The following PALM2AKAP2 variants were observed in gnomAD, a reference collection of about 807,000 sequenced individuals.
The protein encoded by PALM2AKAP2 is PALM2-AKAP2 fusion protein.
In PALM2AKAP2, 37 loss-of-function variants were observed where a neutral mutation model predicts 71.5. The observed-to-expected ratio is 0.52, with a 90% CI of 0.40 to 0.68. The LOEUF is 0.68. Among genes scored for constraint, PALM2AKAP2 ranks in the 30% least tolerant of loss-of-function variants. The pLI, the probability that PALM2AKAP2 is intolerant of heterozygous loss-of-function variation, is 0.00. For missense variants in PALM2AKAP2, 1,224 were observed against 1,191.8 expected (o/e 1.03, Z -0.40); for synonymous variants, 468 against 478.8 (o/e 0.98, Z 0.29).
At chr9:110,003,610 G>A (rs1462253650) in intron 6 of PALM2AKAP2, among the ~76,000 whole-genome samples, 7 of 151,942 alleles carry the variant, frequency 4.6e-5, no homozygotes, top group African/African-American at 1.7e-4. Context: ...TCGTTGATCT[G>A]TCTAATGTTG....
At chr9:109,780,618 A>C in intron 1 of PALM2AKAP2, 85 bp downstream of exon 1, 1 of 1,566,294 alleles carries the variant, frequency 6.4e-7, no homozygotes. Flanking sequence ...GCGGCATGCC[A>C]GCACAGTAGC....
At chr9:109,655,942 G>A (rs1827299201) in intron 1 of PALM2AKAP2, among the ~76,000 whole-genome samples, 1 of 152,136 alleles carries the variant, frequency 6.6e-6, no homozygotes. Context: ...TTGGGCATAA[G>A]GGTTAATAGA....
At chr9:109,894,630 G>A (rs76650415) in intron 3 of PALM2AKAP2, among the ~76,000 whole-genome samples, 5,582 of 152,238 alleles carry the variant, frequency 0.037, 190 homozygotes, top group East Asian at 0.14. Flanking sequence ...TTGCACTCAC[G>A]TGGTGAGCTG....
At chr9:109,877,215 A>G (rs142583854) in intron 2 of PALM2AKAP2, among the ~76,000 whole-genome samples, 173 of 152,270 alleles carry the variant, frequency 1.1e-3, no homozygotes, top group African/African-American at 4.1e-3. Flanking sequence ...TCTTTAGCAC[A>G]GGAAGCACCC....
chr9:109,932,331 C>G (rs921464247), intron 6 of PALM2AKAP2, among the ~76,000 whole-genome samples: 1 of 152,200 alleles, frequency 6.6e-6, no homozygotes, highest in African/African-American at 2.4e-5. Context: ...AATCTGTATT[C>G]TGCCTCCAGG....
At chr9:110,105,030 C>A (rs1835083047) in intron 1 of PALM2AKAP2, among the ~76,000 whole-genome samples, 1 of 152,216 alleles carries the variant, frequency 6.6e-6, no homozygotes, top group Non-Finnish European at 1.5e-5. Flanking sequence ...TATATAGTGT[C>A]ATCCTACAGA....
chr9:109,705,617 C>T (rs1434326815), intron 1 of PALM2AKAP2, among the ~76,000 whole-genome samples: 2 of 152,154 alleles, frequency 1.3e-5, no homozygotes, highest in Admixed American at 1.3e-4. Context: ...ACAGTTGGAT[C>T]CAGGCACCTC....
intron 1 of PALM2AKAP2, among the ~76,000 whole-genome samples, chr9:109,697,705 A>G (rs1827992815): frequency 6.6e-6 from 1 of 152,112 alleles, no homozygotes; most frequent in South Asian, 2.1e-4. Flanking sequence ...TAGAGGGTGC[A>G]AAAAAACTAT....
intron 1 of PALM2AKAP2, among the ~76,000 whole-genome samples, chr9:110,110,263 T>C (rs1835216569): frequency 1.3e-5 from 2 of 152,308 alleles, no homozygotes; most frequent in South Asian, 4.1e-4. Flanking sequence ...ATTGAGGGCC[T>C]AGTTGTTGGG....
At chr9:109,663,457 TC>T (rs751846937) in intron 1 of PALM2AKAP2, among the ~76,000 whole-genome samples, 19 of 152,344 alleles carry the variant, frequency 1.2e-4, no homozygotes, top group Non-Finnish European at 2.4e-4. Context: ...CAGTAGTCAT[TC>T]AGGAGCAAGT....
chr9:109,768,445 T>C (rs1370094465), intron 1 of PALM2AKAP2, among the ~76,000 whole-genome samples: 1 of 152,226 alleles, frequency 6.6e-6, no homozygotes, highest in Non-Finnish European at 1.5e-5. Flanking sequence ...ATAAAATATG[T>C]AATGATTAAG....
intron 1 of PALM2AKAP2, among the ~76,000 whole-genome samples, chr9:110,107,040 G>A (rs1835137003): frequency 6.6e-6 from 1 of 152,184 alleles, no homozygotes. Flanking sequence ...TTATCACTGA[G>A]CTGTTAATCA....
intron 1 of PALM2AKAP2, among the ~76,000 whole-genome samples, chr9:110,077,206 T>G (rs1383739375): frequency 6.6e-6 from 1 of 152,168 alleles, no homozygotes; most frequent in African/African-American, 2.4e-5. Flanking sequence ...CCTTGGTTCC[T>G]TTATCTGTAA....
chr9:109,704,425 G>C lies in PALM2AKAP2; in HGVS notation c.5+63559G>C, dbSNP rs74659218. Among the ~76,000 whole-genome samples, 552 of 152,298 alleles carry C rather than the reference G, an allele frequency of 3.6e-3. 3 individuals carry two copies. The highest frequency in any genetic ancestry group is 0.013 in the African/African-American group (520 of 41,574). On this transcript the variant is annotated intron_variant, in intron 1 of 6. Coordinates refer to the PALM2AKAP2 transcript ENST00000374531. Reference sequence around the variant, plus strand: ...TATAAATGTGTGAATTATTGACATGGATCCAATTAAATGGGGAATGGTAGC... The same window carrying C: ...TATAAATGTGTGAATTATTGACATGCATCCAATTAAATGGGGAATGGTAGC...
chr9:109,737,061 G>A (rs774489750), intron 1 of PALM2AKAP2, among the ~76,000 whole-genome samples: 6 of 152,192 alleles, frequency 3.9e-5, no homozygotes, highest in African/African-American at 7.2e-5. Context: ...TGATTTTATC[G>A]CTAGGGAGGC....
chr9:109,741,670 T>C (rs1828717524), intron 1 of PALM2AKAP2, among the ~76,000 whole-genome samples: 2 of 152,334 alleles, frequency 1.3e-5, no homozygotes, highest in South Asian at 4.1e-4. Context: ...TTCTGGACAG[T>C]GTTCTGTGTA....
intron 1 of PALM2AKAP2, among the ~76,000 whole-genome samples, chr9:110,081,703 C>A (rs538361477): frequency 6.6e-6 from 1 of 152,052 alleles, no homozygotes; most frequent in Non-Finnish European, 1.5e-5. Context: ...CCAGCCCAAG[C>A]GACAGGAAAC....
chr9:110,158,744 A>G (rs1836524476), intron 3 of PALM2AKAP2, among the ~76,000 whole-genome samples: 1 of 152,236 alleles, frequency 6.6e-6, no homozygotes, highest in South Asian at 2.1e-4. Context: ...TAAGCTGTTA[A>G]TATCCCTGGA....
chr9:109,699,014 A>G (rs1025194236), intron 1 of PALM2AKAP2, among the ~76,000 whole-genome samples: 1 of 152,266 alleles, frequency 6.6e-6, no homozygotes, highest in Non-Finnish European at 1.5e-5. Flanking sequence ...TGCACAAGAA[A>G]TAGAAGAAAT....
Sources: allele counts gnomAD v4.1 joint callset (sites outside exome capture counted in the v4.1 genomes callset), GRCh38; gene constraint gnomAD v4.1.1; transcripts MANE v1.5; gene names NCBI Gene and HGNC (gene_info 2026-07-23, HGNC 2026-07-21).